ANKRD42: variants seen among roughly 807,000 people sequenced by gnomAD.
The protein encoded by ANKRD42 is ankyrin repeat domain 42.
ANKRD42 carries 43 observed loss-of-function variants against 51.5 expected under a neutral mutation model. That is an observed-to-expected ratio of 0.83 (90% CI 0.65 to 1.08). The LOEUF (loss-of-function observed/expected upper bound fraction) is 1.08, where lower values mean the gene tolerates loss of function less well. Among genes scored for constraint, ANKRD42 ranks in the 50% least tolerant of loss-of-function variants. The probability of loss-of-function intolerance (pLI) is 0.00; values close to 1 mark genes in which losing one functional copy is unlikely to be tolerated. For missense variants in ANKRD42, 608 were observed against 629.3 expected, an observed-to-expected ratio of 0.97 and a Z score of 0.36; for synonymous variants, 203 against 213.0, an observed-to-expected ratio of 0.95 and a Z score of 0.41.
chr11:83,234,634 G>A (rs566843560), intron 7 of ANKRD42, among the ~76,000 whole-genome samples: 1 of 152,210 alleles, frequency 6.6e-6, no homozygotes, highest in Non-Finnish European at 1.5e-5. Flanking sequence ...ATGAAATGTT[G>A]GGCTAAATTC....
At chr11:83,227,084 A>C (rs935003616) in intron 6 of ANKRD42, among the ~76,000 whole-genome samples, 2 of 152,138 alleles carry the variant, frequency 1.3e-5, no homozygotes, top group Admixed American at 6.5e-5. Flanking sequence ...TGTTTTCACT[A>C]TCTTATAAGC....
At chr11:83,249,305 C>T (rs1432658449), downstream of ANKRD42, among the ~76,000 whole-genome samples, 1 of 152,206 alleles carries the variant, frequency 6.6e-6, no homozygotes. Context: ...TCCCTAGGTT[C>T]AAGTGATCCT....
chr11:83,235,735 T>A (rs1381783200), intron 7 of ANKRD42, among the ~76,000 whole-genome samples: 1 of 152,242 alleles, frequency 6.6e-6, no homozygotes, highest in African/African-American at 2.4e-5. Context: ...TAGTTACAGG[T>A]TAAATGAGCA....
intron 5 of ANKRD42, among the ~76,000 whole-genome samples, chr11:83,223,788 A>G (rs536428204): frequency 1.3e-5 from 2 of 152,242 alleles, no homozygotes; most frequent in East Asian, 1.9e-4. Context: ...TTCTTGTTTC[A>G]CCTGAATTAT....
intron 8 of ANKRD42, among the ~76,000 whole-genome samples, chr11:83,239,690 G>A (rs916412725): frequency 8.5e-5 from 13 of 152,222 alleles, no homozygotes; most frequent in African/African-American, 2.6e-4. Context: ...AGTTCTTGAT[G>A]TATGTGTGGG....
intron 5 of ANKRD42, among the ~76,000 whole-genome samples, 177 bp from the exon 6 acceptor site, chr11:83,224,678 G>A (rs902659395): frequency 6.6e-6 from 1 of 152,132 alleles, no homozygotes; most frequent in Admixed American, 6.5e-5. Context: ...AGCTACTTGG[G>A]AGGATGAGGT....
At chr11:83,263,761 A>G (rs911290327), downstream of ANKRD42, among the ~76,000 whole-genome samples, 14 of 152,190 alleles carry the variant, frequency 9.2e-5, no homozygotes, top group African/African-American at 2.7e-4. Flanking sequence ...AATGTTTCCA[A>G]CCTATGGAGA....
At chr11:83,216,229 T>C (rs991714362) in intron 5 of ANKRD42, among the ~76,000 whole-genome samples, 1 of 152,248 alleles carries the variant, frequency 6.6e-6, no homozygotes, top group Non-Finnish European at 1.5e-5. Flanking sequence ...TCTAGGGTTG[T>C]CCATGTTTTT....
chr11:83,202,028 T>G (rs1402349312), intron 2 of ANKRD42, among the ~76,000 whole-genome samples: 2 of 152,200 alleles, frequency 1.3e-5, no homozygotes, highest in Non-Finnish European at 2.9e-5. Context: ...TGGCTTTTGT[T>G]GCAATTGCTT....
chr11:83,202,561 A>C (rs1055054155), intron 2 of ANKRD42, among the ~76,000 whole-genome samples: 4 of 152,158 alleles, frequency 2.6e-5, no homozygotes, highest in African/African-American at 9.7e-5. Context: ...ATAGCATTGA[A>C]TCTATAAATT....
At chr11:83,201,984 C>G (rs889484582) in intron 2 of ANKRD42, among the ~76,000 whole-genome samples, 2 of 152,128 alleles carry the variant, frequency 1.3e-5, no homozygotes, top group African/African-American at 2.4e-5. Context: ...TGTGCAGAAG[C>G]TCTTTAGTTT....
At position 83,225,033 on chromosome 11, in the gene ANKRD42, A is replaced by C. The variant is rs146485573; in HGVS notation, c.765A>C (p.Gly255=). The C allele has an allele frequency of 8.8e-5, 142 of 1,612,576 alleles. No homozygotes were observed. In the African/African-American group the frequency reaches 1.7e-3, roughly 20 times the overall value. ...TTATCCAGGGGGCTGAGTATGAAGG[A>C]AAAGACCTAGAGGATCAGGAAAGTA... The part of the protein sequence containing the change: ...LQFIQGAEYE[G]KDLEDQETLA... The change falls in exon 6 of 11, where the codon GGA becomes GGC. Residue 255 remains glycine, a synonymous_variant. Coordinates refer to ENST00000533342, the MANE Select transcript of ANKRD42 (RefSeq NM_001300975.2).
intron 7 of ANKRD42, 53 bp downstream of exon 7, chr11:83,227,925 A>G (rs948776535): frequency 5.9e-6 from 9 of 1,533,124 alleles, no homozygotes; most frequent in Non-Finnish European, 7.0e-6. Flanking sequence ...TGAGTTATTC[A>G]TCTTTTAAAG....
At position 83,248,131 on chromosome 11, in the gene ANKRD42, T is replaced by C. The variant is rs1003365733; in HGVS notation, c.1511T>C (p.Ile504Thr). The change falls in exon 11 of 11, where the codon ATA (isoleucine) becomes ACA (threonine). Residue 504 changes from isoleucine to threonine, a missense_variant. Ile to Thr is a moderately conservative substitution (Grantham distance 89). Transcript: ENST00000533342. ...ACATTTATTTTTCTCAAGAAGTATA[T>C]ACAAGAGTGGCCAAGAGTACAAGCT... ...FNTFIFLKKY[I>T]QEWPRVQALG... 9 of 1,544,644 alleles carry C rather than the reference T, an allele frequency of 5.8e-6. No individual in the cohort carries two copies. In the African/African-American group the frequency reaches 6.8e-5, roughly 12 times the overall value.
At position 83,247,834 on chromosome 11, in the gene ANKRD42, T is replaced by C. The variant is rs543976313; in HGVS notation, c.1323-109T>C. ...TAATACATATTTGTTGAATAAATGA[T>C]TTCTTTGTTTTATTTGCCTTAAATA... On this transcript the variant is annotated intron_variant, in intron 10 of 10. Transcript: ENST00000533342. The C allele has an allele frequency of 3.0e-5, 29 of 952,664 alleles. No individual in the cohort carries two copies. In the East Asian group the frequency reaches 7.0e-4, roughly 23 times the overall value. 59.0% of individuals were successfully genotyped at this position (952,664 alleles called of 1,614,324 possible). A position where few individuals can be genotyped will look rare whatever the true frequency, so the allele number is the denominator to read the frequency against.
chr11:83,230,344 A>G (rs2135536143), intron 7 of ANKRD42, among the ~76,000 whole-genome samples: 1 of 152,202 alleles, frequency 6.6e-6, no homozygotes, highest in Non-Finnish European at 1.5e-5. Context: ...GAGCCACTGC[A>G]TCCAGTCCCA....
At chr11:83,262,388 T>A (rs529554089), downstream of ANKRD42, among the ~76,000 whole-genome samples, 139 of 152,298 alleles carry the variant, frequency 9.1e-4, 1 homozygote, top group South Asian at 7.7e-3. Context: ...AGTACATTTT[T>A]AAATAATTTC....
At chr11:83,227,933 A>ATTTC in intron 7 of ANKRD42, 61 bp downstream of exon 7, 1 of 1,522,942 alleles carries the variant, frequency 6.6e-7, no homozygotes, top group South Asian at 1.3e-5. Flanking sequence ...TCATCTTTTA[A>ATTTC]AGTAATTATC....
chr11:83,259,713 A>C (rs1181372273), downstream of ANKRD42: 1 of 152,044 alleles, frequency 6.6e-6, no homozygotes, highest in Non-Finnish European at 1.5e-5. Flanking sequence ...TGCAGTGACT[A>C]TTTATAGGTA....
Sources: gnomAD v4.1 joint callset for allele counts (sites outside exome capture counted in the v4.1 genomes callset) on GRCh38, gnomAD v4.1.1 for gene constraint, MANE v1.5 for transcripts, NCBI Gene and HGNC (gene_info 2026-07-23, HGNC 2026-07-21) for gene names.